Variants in ANOS1 observed in about 807,000 individuals in gnomAD.
ANOS1 encodes the protein anosmin 1.
A neutral mutation model predicts 59.0 loss-of-function variants in ANOS1; 6 were observed. That is an observed-to-expected ratio of 0.10 (90% CI 0.06 to 0.20). The LOEUF (loss-of-function observed/expected upper bound fraction) is 0.20. Ranked by LOEUF, ANOS1 falls within the 10% of genes least tolerant of loss-of-function variation. ANOS1 has a pLI of 1.00. For synonymous variants in ANOS1, 217 were observed against 223.4 expected (o/e 0.97, Z 0.25); for missense variants, 433 against 542.3 (o/e 0.80, Z 2.00).
intron 3 of ANOS1, among the ~76,000 whole-genome samples, chrX:8,607,636 G>C (rs1317812364): frequency 9.0e-6 from 1 of 111,295 alleles, no homozygotes; most frequent in Non-Finnish European, 1.9e-5. Context: ...GGATAGTTCA[G>C]GTACCACATT....
chrX:8,546,633 C>T (rs1929775980), intron 9 of ANOS1, among the ~76,000 whole-genome samples: 1 of 111,572 alleles, frequency 9.0e-6, no homozygotes, highest in African/African-American at 3.3e-5. Flanking sequence ...AGAGCTGCCT[C>T]CTGAGCTACA....
At chrX:8,682,337 G>A (rs1299968758) in intron 2 of ANOS1, among the ~76,000 whole-genome samples, 11 of 101,222 alleles carry the variant, frequency 1.1e-4, no homozygotes, top group African/African-American at 3.3e-4. Context: ...GGCTTTTTTC[G>A]GAAAACGAGA....
chrX:8,636,945 G>A (rs1931583008), intron 2 of ANOS1, among the ~76,000 whole-genome samples: 1 of 112,333 alleles, frequency 8.9e-6, no homozygotes, highest in Non-Finnish European at 1.9e-5. Flanking sequence ...ATGTATGTTA[G>A]TTATGGATGG....
chrX:8,559,120 G>A lies in ANOS1; in HGVS notation c.1208-5022C>T, dbSNP rs774083118. On this transcript the variant is annotated intron_variant, in intron 8 of 13. Coordinates refer to ENST00000262648, the MANE Select transcript of ANOS1 (RefSeq NM_000216.4). ...AAATCTGCTCTAATGATGGTGCACC[G>A]GCAGTGAGCTTGACCAAAGGCATCT... 7.3e-4 allele frequency among the ~76,000 whole-genome samples: 81 copies of A among 111,698 alleles called. 1 individual carries two copies. Among genetic ancestry groups the A allele is most frequent in the African/African-American group, 2.5e-3 (77 of 30,816 alleles).
rs1167209336 is a variant in ANOS1 at position 8,610,006 on chromosome X, C to CAAAAAAAAAA, written c.319-12760_319-12751dup. Among the ~76,000 whole-genome samples the CAAAAAAAAAA allele has an allele frequency of 7.6e-3, 70 of 9,151 alleles. 2 individuals are homozygous for CAAAAAAAAAA. Among genetic ancestry groups the CAAAAAAAAAA allele is most frequent in the African/African-American group, 0.015 (66 of 4,497 alleles). The allele number at this position is 9,151 out of a possible 115,157, so 7.9% of individuals were successfully genotyped here. A position where few individuals can be genotyped will look rare whatever the true frequency, so the allele number is the denominator to read the frequency against. Reference sequence around the variant, plus strand: ...TGGGCGACAGAGCAAGACTCCATCTCAAAAAAAAAAAAAAAAAAAAAAAAA... The same window carrying CAAAAAAAAAA: ...TGGGCGACAGAGCAAGACTCCATCTCAAAAAAAAAAAAAAAAAAAAAAAAAAAAAAAAAAA... On this transcript the variant is annotated intron_variant, in intron 3 of 13. Transcript: ENST00000262648.
chrX:8,632,902 A>G (rs1267242858), intron 2 of ANOS1, among the ~76,000 whole-genome samples: 2 of 111,398 alleles, frequency 1.8e-5, no homozygotes, highest in African/African-American at 3.3e-5. Flanking sequence ...TTCTCTAAAA[A>G]GCTGTGGACC....
At chrX:8,627,843 T>TA (rs764925236) in intron 2 of ANOS1, among the ~76,000 whole-genome samples, 54 of 101,572 alleles carry the variant, frequency 5.3e-4, no homozygotes, top group South Asian at 3.8e-3. Flanking sequence ...GCAAGCAATT[T>TA]AAAAAAAAAA....
intron 8 of ANOS1, among the ~76,000 whole-genome samples, chrX:8,562,230 C>T (rs1419678055): frequency 3.6e-5 from 4 of 111,455 alleles, no homozygotes; most frequent in Admixed American, 9.6e-5. Context: ...CGTGAGCTAC[C>T]GCGCCCAGCC....
At chrX:8,683,798 A>G (rs1315822318) in intron 2 of ANOS1, among the ~76,000 whole-genome samples, 1 of 111,752 alleles carries the variant, frequency 8.9e-6, no homozygotes, top group Non-Finnish European at 1.9e-5. Context: ...CTGCAAGTCC[A>G]AACAGAATGC....
intron 5 of ANOS1, 57 bp downstream of exon 5, chrX:8,587,737 G>C: frequency 1.0e-6 from 1 of 974,907 alleles, no homozygotes; most frequent in Non-Finnish European, 1.4e-6. Flanking sequence ...TTTGTGCGTA[G>C]CTATGTAGCA....
intron 2 of ANOS1, among the ~76,000 whole-genome samples, chrX:8,659,612 TC>T (rs1569075671): frequency 0.017 from 1,618 of 97,798 alleles, 64 homozygotes; most frequent in African/African-American, 0.06. Flanking sequence ...CTTCCTTCCT[TC>T]CTTCCTTCCT....
At chrX:8,599,466 G>A (rs983813120) in intron 3 of ANOS1, among the ~76,000 whole-genome samples, 4 of 111,265 alleles carry the variant, frequency 3.6e-5, no homozygotes, top group East Asian at 5.7e-4. Context: ...ACACCTGGAC[G>A]ATACCTGGGA....
intron 9 of ANOS1, among the ~76,000 whole-genome samples, chrX:8,550,483 G>A (rs1187526198): frequency 3.6e-5 from 4 of 111,106 alleles, no homozygotes; most frequent in Admixed American, 9.7e-5. Context: ...TGTGGAAATC[G>A]AAAAATTAAT....
At chrX:8,637,210 A>AT (rs1409779355) in intron 2 of ANOS1, among the ~76,000 whole-genome samples, 1 of 111,931 alleles carries the variant, frequency 8.9e-6, no homozygotes, top group East Asian at 2.8e-4. Flanking sequence ...CTTTCAAGAG[A>AT]TTTTGCACAG....
chrX:8,677,203 C>T (rs757502996), intron 2 of ANOS1, among the ~76,000 whole-genome samples: 108 of 111,308 alleles, frequency 9.7e-4, no homozygotes, highest in African/African-American at 3.5e-3. Flanking sequence ...TGCATGGTAA[C>T]ACTACCACGC....
intron 2 of ANOS1, among the ~76,000 whole-genome samples, chrX:8,675,061 C>T (rs181903441): frequency 4.1e-4 from 46 of 111,205 alleles, no homozygotes; most frequent in Non-Finnish European, 4.0e-4. Context: ...CAAATATGAT[C>T]GAAAATGCAT....
At chrX:8,568,406 C>A (rs1260953651) in intron 7 of ANOS1, 30 bp from the exon 8 acceptor site, 2 of 1,174,262 alleles carry the variant, frequency 1.7e-6, no homozygotes, top group African/African-American at 3.6e-5. Flanking sequence ...ACCCAAAATG[C>A]GTTACAAACC....
At chrX:8,670,728 T>C (rs1238113253) in intron 2 of ANOS1, among the ~76,000 whole-genome samples, 1 of 111,784 alleles carries the variant, frequency 8.9e-6, no homozygotes, top group South Asian at 3.8e-4. Context: ...GCCTGTTTAG[T>C]AGCTCCCCTT....
chrX:8,644,069 T>C (rs1931710593), intron 2 of ANOS1, among the ~76,000 whole-genome samples: 1 of 111,682 alleles, frequency 9.0e-6, no homozygotes, highest in African/African-American at 3.3e-5. Flanking sequence ...GAGGGCTGCG[T>C]CATGGGCCAT....
Sources: allele counts gnomAD v4.1 joint callset (sites outside exome capture counted in the v4.1 genomes callset), GRCh38; gene constraint gnomAD v4.1.1; transcripts MANE v1.5; gene names NCBI Gene and HGNC (gene_info 2026-07-23, HGNC 2026-07-21).